CERS3: variants seen among roughly 807,000 people sequenced by gnomAD.
CERS3 encodes ceramide synthase 3.
In CERS3, 33 loss-of-function variants were observed where a neutral mutation model predicts 50.3. That is an observed-to-expected ratio of 0.66 (90% CI 0.50 to 0.88). The LOEUF (loss-of-function observed/expected upper bound fraction) is 0.88. Ranked by LOEUF, CERS3 falls within the 40% of genes least tolerant of loss-of-function variation. CERS3 has a pLI of 0.00. For synonymous variants in CERS3, 176 were observed against 155.2 expected, an observed-to-expected ratio of 1.13 and a Z score of -0.99; for missense variants, 470 against 460.3, an observed-to-expected ratio of 1.02 and a Z score of -0.19.
chr15:100,470,820 G>C lies in CERS3; in HGVS notation c.739-1336C>G, dbSNP rs533746446. On this transcript the variant is annotated intron_variant, in intron 9 of 11. Transcript: ENST00000679737. The stretch of plus-strand genomic sequence containing the variant: ...AGAAGTCAAAGAAGGTCACTTACGA[G>C]TGAGAGTGGTAGATGTGAAGGCTGT... 2.0e-5 allele frequency among the ~76,000 whole-genome samples: 3 copies of C among 152,272 alleles called. No individual in the cohort carries two copies. The South Asian group carries it at 6.2e-4, about 32-fold the overall frequency.
intron 11 of CERS3, among the ~76,000 whole-genome samples, chr15:100,446,288 CACAACTTTA>C (rs1403321502): frequency 6.6e-6 from 1 of 151,156 alleles, no homozygotes; most frequent in Non-Finnish European, 1.5e-5. Flanking sequence ...TTTTTGGCAC[CACAACTTTA>C]ACAGGAAAAG....
chr15:100,524,875 G>C (rs965806211), intron 1 of CERS3, among the ~76,000 whole-genome samples: 4 of 152,036 alleles, frequency 2.6e-5, no homozygotes, highest in African/African-American at 9.7e-5. Flanking sequence ...AATATGTCTG[G>C]CAAAGAAATC....
chr15:100,411,392 C>G (rs1181570709), intron 11 of CERS3, among the ~76,000 whole-genome samples: 2 of 152,112 alleles, frequency 1.3e-5, no homozygotes, highest in Non-Finnish European at 2.9e-5. Context: ...GAACTCCTGA[C>G]CTCAGGTGAT....
chr15:100,506,200 A>C (rs2036173639), intron 2 of CERS3, among the ~76,000 whole-genome samples: 2 of 152,274 alleles, frequency 1.3e-5, no homozygotes, highest in Admixed American at 1.3e-4. Context: ...ATATCTGAGA[A>C]GGGACTTGTG....
At chr15:100,503,820 G>A (rs1412433904) in intron 2 of CERS3, 2 of 460,982 alleles carry the variant, frequency 4.3e-6, no homozygotes, top group East Asian at 7.0e-5. Flanking sequence ...TTTGGCCAGA[G>A]CAGTGGGGAC....
intron 10 of CERS3, among the ~76,000 whole-genome samples, chr15:100,457,049 A>G (rs2034397711): frequency 1.3e-5 from 2 of 152,080 alleles, no homozygotes; most frequent in African/African-American, 4.8e-5. Context: ...GTTTGTTTGT[A>G]AGTATATTAG....
intron 11 of CERS3, among the ~76,000 whole-genome samples, chr15:100,445,945 A>G (rs1468174305): frequency 2.0e-5 from 3 of 152,320 alleles, no homozygotes; most frequent in East Asian, 3.9e-4. Context: ...CGATGACGTT[A>G]TCTTGTGAAA....
intron 11 of CERS3, among the ~76,000 whole-genome samples, chr15:100,435,421 C>A (rs904092834): frequency 4.6e-5 from 7 of 152,096 alleles, no homozygotes; most frequent in Non-Finnish European, 8.8e-5. Context: ...GCTAGCCATA[C>A]ACAAAAAACA....
At chr15:100,458,401 A>G (rs1454211749) in intron 10 of CERS3, among the ~76,000 whole-genome samples, 3 of 152,092 alleles carry the variant, frequency 2.0e-5, no homozygotes, top group Non-Finnish European at 4.4e-5. Context: ...CCTGACCAAC[A>G]TGGTGAAACC....
chr15:100,409,205 A>G (rs2031287892), intron 11 of CERS3, among the ~76,000 whole-genome samples: 1 of 152,184 alleles, frequency 6.6e-6, no homozygotes, highest in African/African-American at 2.4e-5. Flanking sequence ...CTCAGGTGCC[A>G]TCAGTTCTGG....
chr15:100,466,286 A>T (rs1474811068), intron 10 of CERS3, among the ~76,000 whole-genome samples: 1 of 152,180 alleles, frequency 6.6e-6, no homozygotes, highest in Non-Finnish European at 1.5e-5. Flanking sequence ...ATCATGGGAT[A>T]GTCTGAGGTG....
intron 5 of CERS3, among the ~76,000 whole-genome samples, chr15:100,483,765 A>ATTATTATTATT (rs1491268346): frequency 1.1e-4 from 15 of 131,410 alleles, no homozygotes; most frequent in Admixed American, 2.4e-4. Flanking sequence ...AAGGATCAAT[A>ATTATTATTATT]ATAATAATAA....
intron 5 of CERS3, 71 bp downstream of exon 5, chr15:100,484,479 T>C: frequency 9.5e-7 from 1 of 1,050,232 alleles, no homozygotes; most frequent in South Asian, 1.3e-5. Context: ...TCCGGCAGTA[T>C]TCTCTCTGCA....
intron 11 of CERS3, among the ~76,000 whole-genome samples, chr15:100,414,529 T>C (rs1320154537): frequency 3.3e-5 from 5 of 152,212 alleles, no homozygotes; most frequent in Admixed American, 2.0e-4. Flanking sequence ...GTTCAAGTTA[T>C]ACTACAAGGC....
At chr15:100,480,671 A>T (rs916826402) in intron 5 of CERS3, among the ~76,000 whole-genome samples, 1 of 152,222 alleles carries the variant, frequency 6.6e-6, no homozygotes, top group Non-Finnish European at 1.5e-5. Flanking sequence ...CAATCAGGGA[A>T]ATCTAAACAC....
chr15:100,407,088 T>C (rs973934831), intron 11 of CERS3, among the ~76,000 whole-genome samples: 3 of 152,134 alleles, frequency 2.0e-5, no homozygotes, highest in African/African-American at 7.2e-5. Context: ...TACATGGGAA[T>C]TGTGGGAGTT....
chr15:100,455,750 T>G, intron 11 of CERS3, 143 bp downstream of exon 11: 1 of 533,406 alleles, frequency 1.9e-6, no homozygotes, highest in Non-Finnish European at 2.9e-6. Context: ...GCTCTATTTT[T>G]CCAAAATTTT....
intron 5 of CERS3, among the ~76,000 whole-genome samples, chr15:100,482,250 G>T (rs912075807): frequency 5.9e-5 from 9 of 152,100 alleles, no homozygotes; most frequent in Non-Finnish European, 1.2e-4. Context: ...ACATAAACGT[G>T]GGGGGAGAGA....
At position 100,401,628 on chromosome 15, in the gene CERS3, C is replaced by T. The variant is rs1197195952; in HGVS notation, c.*1085G>A. Reference sequence around the variant, plus strand: ...GGAAATCACGTAGCATCCTCTGTTCCCAAGATCTCCCCTGGGTCTGGCAGT... The same window carrying T: ...GGAAATCACGTAGCATCCTCTGTTCTCAAGATCTCCCCTGGGTCTGGCAGT... On this transcript the variant is annotated 3_prime_UTR_variant, in exon 12 of 12. Transcript: ENST00000679737. 1 of 152,198 alleles carries T rather than the reference C, an allele frequency of 6.6e-6. No individual in the cohort carries two copies. Among genetic ancestry groups the T allele is most frequent in the East Asian group, 1.9e-4 (1 of 5,190 alleles). 9.4% of individuals were successfully genotyped at this position (152,198 alleles called of 1,614,324 possible).
Sources: gnomAD v4.1 joint callset for allele counts (sites outside exome capture counted in the v4.1 genomes callset) on GRCh38, gnomAD v4.1.1 for gene constraint, MANE v1.5 for transcripts, NCBI Gene and HGNC (gene_info 2026-07-23, HGNC 2026-07-21) for gene names.